ALKBH5: variants seen among roughly 807,000 people sequenced by gnomAD.
ALKBH5 encodes RNA demethylase ALKBH5.
In ALKBH5, 2 loss-of-function variants were observed where a neutral mutation model predicts 32.1. That is an observed-to-expected ratio of 0.06 (90% CI 0.03 to 0.20). The LOEUF is 0.20. Among genes scored for constraint, ALKBH5 ranks in the 10% least tolerant of loss-of-function variants. The pLI is 1.00. For missense variants in ALKBH5, 352 were observed against 559.5 expected, an observed-to-expected ratio of 0.63 and a Z score of 3.74; for synonymous variants, 300 against 231.7, an observed-to-expected ratio of 1.29 and a Z score of -2.68.
intron 2 of ALKBH5, among the ~76,000 whole-genome samples, chr17:18,195,564 A>G (rs748476179): frequency 2.6e-5 from 4 of 152,176 alleles, no homozygotes; most frequent in Non-Finnish European, 4.4e-5. Flanking sequence ...GCTACTTAAC[A>G]TCAACAAACC....
At chr17:18,191,742 G>A (rs117071827) in intron 1 of ALKBH5, among the ~76,000 whole-genome samples, 1 of 152,030 alleles carries the variant, frequency 6.6e-6, no homozygotes, top group Non-Finnish European at 1.5e-5. Flanking sequence ...GGCCGAGGTG[G>A]GTGGATCACG....
intron 2 of ALKBH5, among the ~76,000 whole-genome samples, chr17:18,198,538 G>A (rs1318035860): frequency 6.6e-6 from 1 of 152,196 alleles, no homozygotes; most frequent in African/African-American, 2.4e-5. Flanking sequence ...TGGTGAGGTT[G>A]TGTTACAGTG....
chr17:18,194,508 A>G (rs73288249), intron 1 of ALKBH5, among the ~76,000 whole-genome samples: 4,066 of 152,194 alleles, frequency 0.027, 204 homozygotes, highest in African/African-American at 0.092. Flanking sequence ...GATCCCCCCA[A>G]ATGGAGACTT....
At chr17:18,198,648 G>T (rs1411888263) in intron 2 of ALKBH5, among the ~76,000 whole-genome samples, 5 of 152,196 alleles carry the variant, frequency 3.3e-5, no homozygotes, top group Admixed American at 2.6e-4. Flanking sequence ...CAGGCTGCTG[G>T]TGGAGACCCT....
At chr17:18,186,398 C>CT (rs2047139652) in intron 1 of ALKBH5, among the ~76,000 whole-genome samples, 1 of 152,184 alleles carries the variant, frequency 6.6e-6, no homozygotes, top group Non-Finnish European at 1.5e-5. Flanking sequence ...AGGTTGGGGT[C>CT]TGACCCCATT....
chr17:18,188,076 AGTT>A (rs755945730), intron 1 of ALKBH5, among the ~76,000 whole-genome samples: 6 of 152,254 alleles, frequency 3.9e-5, no homozygotes, highest in African/African-American at 7.2e-5. Context: ...CCTAGTCGTC[AGTT>A]GTTTTTTGTA....
chr17:18,198,018 A>C (rs1359143740), intron 2 of ALKBH5, among the ~76,000 whole-genome samples: 2 of 152,194 alleles, frequency 1.3e-5, no homozygotes, highest in Non-Finnish European at 2.9e-5. Context: ...TCCATTGGGC[A>C]TACCTTCTCA....
chr17:18,208,273 C>T lies in ALKBH5; in HGVS notation c.1062C>T (p.Pro354=), dbSNP rs768703957. The change falls in exon 4 of 4, where the codon CCC becomes CCT. Residue 354 remains proline (P), a synonymous_variant. Transcript: ENST00000399138. ...KEENRRSVLL[P]THRRRGSFSS... ...AGAACCGGCGCTCGGTGCTGCTGCC[C>T]ACACACCGGCGGAGGGGTAGCTTCA... The T allele has an allele frequency of 5.0e-6, 8 of 1,613,996 alleles. No individual in the cohort carries two copies. The South Asian group carries it at 5.5e-5, about 11-fold the overall frequency.
chr17:18,188,606 G>A (rs1227384147), intron 1 of ALKBH5, among the ~76,000 whole-genome samples: 1 of 152,250 alleles, frequency 6.6e-6, no homozygotes, highest in Non-Finnish European at 1.5e-5. Context: ...ACCACAGGAT[G>A]AAGTCAGGGC....
intron 1 of ALKBH5, among the ~76,000 whole-genome samples, chr17:18,189,538 C>T (rs1489327729): frequency 6.6e-6 from 1 of 152,174 alleles, no homozygotes; most frequent in Non-Finnish European, 1.5e-5. Context: ...TTGGTGAGGC[C>T]AGCAAGGCCC....
chr17:18,208,468 T>A lies in ALKBH5; in HGVS notation c.*72T>A. 1 of 1,556,532 alleles carries A rather than the reference T, an allele frequency of 6.4e-7. No individual in the cohort carries two copies. Among genetic ancestry groups the A allele is most frequent in the Non-Finnish European group, 8.8e-7 (1 of 1,140,344 alleles). ...TGCCCCTCCTTTTGTTTTGAGGGTTTTGTTTTTGTTCATTGGGGGGTTTTT... is the reference window on the plus strand; with the variant it reads ...TGCCCCTCCTTTTGTTTTGAGGGTTATGTTTTTGTTCATTGGGGGGTTTTT... On this transcript the variant is annotated 3_prime_UTR_variant, in exon 4 of 4. Transcript: ENST00000399138.
Position 18,184,504 on chromosome 17 carries a change from C to T in ALKBH5, c.261C>T (p.Ser87=), listed in dbSNP as rs1444398632. The T allele has an allele frequency of 6.2e-7, 1 of 1,613,002 alleles. No individual in the cohort carries two copies. The highest frequency in any genetic ancestry group is 8.5e-7 in the Non-Finnish European group (1 of 1,179,868). ...QKEEEARKVK[S]GIRQMRLFSQ... Reference sequence around the variant, plus strand: ...AGGAGGAGGCGCGCAAGGTGAAGAGCGGCATCCGCCAGATGCGCCTCTTCA... The same window carrying T: ...AGGAGGAGGCGCGCAAGGTGAAGAGTGGCATCCGCCAGATGCGCCTCTTCA... The change falls in exon 1 of 4, where the codon AGC becomes AGT. Residue 87 remains serine, a synonymous_variant. Transcript: ENST00000399138.
At chr17:18,206,728 C>T in intron 2 of ALKBH5, 87 bp from the exon 3 acceptor site, 3 of 1,484,006 alleles carry the variant, frequency 2.0e-6, no homozygotes, top group East Asian at 4.5e-5. Flanking sequence ...AGCTGGCTCC[C>T]ACTTGGCCTG....
rs913465156 is a variant in ALKBH5, at chr17:18,184,259, G to A, written c.16G>A (p.Gly6Ser). The part of the protein sequence containing the change: MAAAS[G>S]YTDLREKLKS... ...CGTGGGGGCCATGGCGGCCGCCAGC[G>A]GCTACACGGACCTGCGTGAGAAGCT... The change falls in exon 1 of 4, where the codon GGC becomes AGC. Residue 6 changes from glycine (G) to serine (S), a missense_variant. This residue lies in a region of ALKBH5 where 144 missense variants were observed against 125.8 expected (regional missense o/e 1.14). Transcript: ENST00000399138. The A allele has an allele frequency of 1.3e-6, 2 of 1,519,772 alleles. No individual in the cohort carries two copies. The highest frequency in any genetic ancestry group is 2.4e-5 in the South Asian group (2 of 81,670). The allele number at this position is 1,519,772 out of a possible 1,614,324, so 94.1% of individuals were successfully genotyped here.
chr17:18,188,348 C>T (rs1177637633), intron 1 of ALKBH5, among the ~76,000 whole-genome samples: 3 of 152,206 alleles, frequency 2.0e-5, no homozygotes, highest in East Asian at 1.9e-4. Flanking sequence ...CTAGGCCAGC[C>T]GTCTGGAAAT....
At chr17:18,194,859 G>C in intron 1 of ALKBH5, 96 bp from the exon 2 acceptor site, 1 of 981,564 alleles carries the variant, frequency 1.0e-6, no homozygotes, top group South Asian at 1.4e-5. Context: ...GAGAGCAGCC[G>C]TAAGACCTAG....
chr17:18,196,643 T>G (rs1437736789), intron 2 of ALKBH5, among the ~76,000 whole-genome samples: 2 of 152,258 alleles, frequency 1.3e-5, no homozygotes, highest in African/African-American at 4.8e-5. Flanking sequence ...GAATATATAC[T>G]ATCAATGTAA....
At chr17:18,198,988 T>C (rs772932196) in intron 2 of ALKBH5, among the ~76,000 whole-genome samples, 1 of 152,058 alleles carries the variant, frequency 6.6e-6, no homozygotes, top group Non-Finnish European at 1.5e-5. Context: ...CACAGTGGAG[T>C]ACCCCAAGTC....
At chr17:18,208,124 A>T in intron 3 of ALKBH5, 95 bp from the exon 4 acceptor site, 1 of 1,363,488 alleles carries the variant, frequency 7.3e-7, no homozygotes, top group African/African-American at 1.5e-5. Flanking sequence ...ACTGAGCTGA[A>T]GTGACCCATC....
Sources: allele counts gnomAD v4.1 joint callset (sites outside exome capture counted in the v4.1 genomes callset), GRCh38; gene constraint gnomAD v4.1.1; regional missense constraint gnomAD v4.1.1; transcripts MANE v1.5; gene names NCBI Gene and HGNC (gene_info 2026-07-23, HGNC 2026-07-21).